OXR1: variants seen among roughly 807,000 people sequenced by gnomAD.
OXR1 encodes oxidation resistance 1.
Under a neutral mutation model 104.6 loss-of-function variants are expected in OXR1, and 41 were observed. The observed-to-expected ratio is 0.39, with a 90% confidence interval of 0.31 to 0.51. The LOEUF is 0.51. OXR1 is among the 20% of genes least tolerant of loss of function. OXR1 has a pLI of 0.77. For missense variants in OXR1, 955 were observed against 1,031.9 expected (o/e 0.93, Z 1.02); for synonymous variants, 348 against 348.4 (o/e 1.00, Z 0.01).
intron 2 of OXR1, among the ~76,000 whole-genome samples, chr8:106,505,777 A>G (rs1812119987): frequency 6.6e-6 from 1 of 152,240 alleles, no homozygotes; most frequent in Non-Finnish European, 1.5e-5. Context: ...CATGGGCAAG[A>G]AAAGTGGCCC....
intron 3 of OXR1, among the ~76,000 whole-genome samples, chr8:106,669,754 T>C (rs933153540): frequency 7.2e-5 from 11 of 152,324 alleles, no homozygotes; most frequent in Non-Finnish European, 1.5e-4. Context: ...AGTACGTTCA[T>C]TGATGATTTC....
At chr8:106,444,815 T>C (rs975097805) in intron 2 of OXR1, among the ~76,000 whole-genome samples, 1 of 152,122 alleles carries the variant, frequency 6.6e-6, no homozygotes, top group Non-Finnish European at 1.5e-5. Context: ...AAAGAAGATA[T>C]ATTAAAAAGG....
chr8:106,454,937 T>C (rs2130628701), intron 2 of OXR1, among the ~76,000 whole-genome samples: 1 of 152,346 alleles, frequency 6.6e-6, no homozygotes, highest in African/African-American at 2.4e-5. Flanking sequence ...GTATACTTAT[T>C]TGAATACTTC....
At chr8:106,622,731 C>A (rs1306264650) in intron 3 of OXR1, among the ~76,000 whole-genome samples, 3 of 152,162 alleles carry the variant, frequency 2.0e-5, no homozygotes, top group African/African-American at 7.2e-5. Flanking sequence ...AAATCCCCTG[C>A]CCATCAACAG....
chr8:106,563,311 A>G (rs922735713), intron 3 of OXR1, among the ~76,000 whole-genome samples: 12 of 150,620 alleles, frequency 8.0e-5, no homozygotes, highest in South Asian at 4.2e-4. Flanking sequence ...AAAAAAAAAA[A>G]AAAGAAAAAA....
At chr8:106,513,986 C>A (rs1158311229) in intron 2 of OXR1, among the ~76,000 whole-genome samples, 2 of 152,016 alleles carry the variant, frequency 1.3e-5, no homozygotes, top group Admixed American at 1.3e-4. Context: ...CAAGAAAAAG[C>A]AAAAATTAAG....
intron 1 of OXR1, among the ~76,000 whole-genome samples, chr8:106,348,399 G>T (rs1815586959): frequency 6.6e-6 from 1 of 152,068 alleles, no homozygotes; most frequent in Admixed American, 6.6e-5. Context: ...CGTTACTTCG[G>T]AACATTAACA....
intron 3 of OXR1, among the ~76,000 whole-genome samples, chr8:106,585,705 G>C (rs933924701): frequency 6.6e-6 from 1 of 152,150 alleles, no homozygotes; most frequent in Non-Finnish European, 1.5e-5. Context: ...GAGGGGATGT[G>C]TCACAATCTT....
At chr8:106,674,912 A>G (rs777707021) in intron 3 of OXR1, among the ~76,000 whole-genome samples, 2 of 152,144 alleles carry the variant, frequency 1.3e-5, no homozygotes, top group Non-Finnish European at 2.9e-5. Context: ...CTGTCAGTCA[A>G]TTAAACCTCT....
chr8:106,672,145 A>G (rs183161790), intron 3 of OXR1, among the ~76,000 whole-genome samples: 1 of 151,948 alleles, frequency 6.6e-6, no homozygotes, highest in East Asian at 1.9e-4. Flanking sequence ...AAGGCAACAA[A>G]GGAGAGAAGT....
At chr8:106,704,313 G>GGAGA (rs3046757) in intron 8 of OXR1, among the ~76,000 whole-genome samples, 4 of 147,620 alleles carry the variant, frequency 2.7e-5, no homozygotes, top group Non-Finnish European at 4.5e-5. Flanking sequence ...ATACATATAT[G>GGAGA]GAGAGAGAGA....
intron 1 of OXR1, among the ~76,000 whole-genome samples, chr8:106,281,924 C>T (rs925930153): frequency 6.6e-6 from 1 of 151,490 alleles, no homozygotes; most frequent in African/African-American, 2.4e-5. Context: ...AGAAAAATAC[C>T]CTATATACAA....
chr8:106,556,731 T>C (rs1456404246), intron 3 of OXR1, among the ~76,000 whole-genome samples: 1 of 152,234 alleles, frequency 6.6e-6, no homozygotes, highest in African/African-American at 2.4e-5. Context: ...CCCCTTGTTA[T>C]GCAAGATGAC....
intron 3 of OXR1, among the ~76,000 whole-genome samples, chr8:106,570,688 T>C (rs1163822592): frequency 1.3e-5 from 2 of 152,142 alleles, no homozygotes; most frequent in African/African-American, 4.8e-5. Context: ...TCATGCTGAC[T>C]CCATTTTGTG....
At chr8:106,453,103 A>G (rs1820411518) in intron 2 of OXR1, among the ~76,000 whole-genome samples, 3 of 152,100 alleles carry the variant, frequency 2.0e-5, no homozygotes, top group African/African-American at 7.2e-5. Flanking sequence ...TCCTTGTACT[A>G]CTTCCTCAAG....
chr8:106,338,412 A>T (rs1387844672), intron 1 of OXR1, among the ~76,000 whole-genome samples: 1 of 151,650 alleles, frequency 6.6e-6, no homozygotes, highest in Non-Finnish European at 1.5e-5. Flanking sequence ...AAAATACAAA[A>T]ATTAGCTGGG....
intron 13 of OXR1, among the ~76,000 whole-genome samples, chr8:106,739,948 G>T (rs1834778246): frequency 6.6e-6 from 1 of 152,154 alleles, no homozygotes; most frequent in South Asian, 2.1e-4. Context: ...CACACAGGGA[G>T]AAGTATTAAA....
intron 1 of OXR1, among the ~76,000 whole-genome samples, chr8:106,347,825 T>A (rs1001173931): frequency 2.0e-5 from 3 of 152,214 alleles, no homozygotes; most frequent in African/African-American, 7.2e-5. Context: ...TCAAATTCAG[T>A]ATTTCTTAAA....
At chr8:106,540,832 G>A (rs1025803675) in intron 3 of OXR1, among the ~76,000 whole-genome samples, 4 of 152,178 alleles carry the variant, frequency 2.6e-5, no homozygotes, top group African/African-American at 4.8e-5. Flanking sequence ...ATCAGATCTC[G>A]TGAGACTCAT....
Sources: allele counts gnomAD v4.1 joint callset (sites outside exome capture counted in the v4.1 genomes callset), GRCh38; gene constraint gnomAD v4.1.1; transcripts MANE v1.5; gene names NCBI Gene and HGNC (gene_info 2026-07-23, HGNC 2026-07-21).